Variants in CAMTA1 observed in about 807,000 individuals in gnomAD.
The protein encoded by CAMTA1 is calmodulin binding transcription activator 1, also known as calmodulin-binding transcription activator 1.
In CAMTA1, 27 loss-of-function variants were observed where a neutral mutation model predicts 170.9. The ratio of observed to expected loss-of-function variants is 0.16; its 90% CI spans 0.12 to 0.22. The LOEUF (loss-of-function observed/expected upper bound fraction) is 0.22, where lower values mean the gene tolerates loss of function less well. CAMTA1 is among the 10% of genes least tolerant of loss of function. CAMTA1 has a pLI of 1.00. For missense variants in CAMTA1, 1,619 were observed against 2,217.2 expected (o/e 0.73, Z 5.42); for synonymous variants, 833 against 891.5 (o/e 0.93, Z 1.17).
In CAMTA1 at chr1:7,573,966, GTTTCA is replaced by G. The variant is rs144906481; in HGVS notation, c.511-66433_511-66429del. Reference sequence around the variant, plus strand: ...TTTTTGTATTTTTAGTAGAGATGGGGTTTCACCCTGTTGGCCATGCTGTTCTCAAA... The same window carrying G: ...TTTTTGTATTTTTAGTAGAGATGGGGCCCTGTTGGCCATGCTGTTCTCAAA... On this transcript the variant is annotated intron_variant, in intron 6 of 22. Transcript: ENST00000303635. Among the ~76,000 whole-genome samples, 426 of 152,118 alleles carry G rather than the reference GTTTCA, an allele frequency of 2.8e-3. 2 individuals carry two copies. The highest frequency in any genetic ancestry group is 9.8e-3 in the African/African-American group (408 of 41,470).
chr1:7,556,369 C>T (rs770395587), intron 6 of CAMTA1, among the ~76,000 whole-genome samples: 1 of 152,136 alleles, frequency 6.6e-6, no homozygotes, highest in Non-Finnish European at 1.5e-5. Context: ...CCTCCAGGTT[C>T]AGCAAGGCCC....
chr1:7,625,596 G>A (rs1048474076), intron 6 of CAMTA1, among the ~76,000 whole-genome samples: 5 of 152,282 alleles, frequency 3.3e-5, no homozygotes, highest in Non-Finnish European at 5.9e-5. Flanking sequence ...CCAGGAGAGG[G>A]ACAGTTTGAG....
chr1:7,370,590 A>G (rs1042554981), intron 5 of CAMTA1, among the ~76,000 whole-genome samples: 1 of 152,182 alleles, frequency 6.6e-6, no homozygotes, highest in African/African-American at 2.4e-5. Flanking sequence ...ACTCTTATTT[A>G]TTGACACGTA....
intron 6 of CAMTA1, among the ~76,000 whole-genome samples, chr1:7,490,011 C>T (rs1301301560): frequency 3.9e-5 from 6 of 152,234 alleles, no homozygotes; most frequent in South Asian, 2.1e-4. Flanking sequence ...TTGGATCTCA[C>T]AGGCCTGCTC....
At chr1:6,994,920 G>T (rs573293640) in intron 3 of CAMTA1, among the ~76,000 whole-genome samples, 2 of 152,098 alleles carry the variant, frequency 1.3e-5, no homozygotes, top group East Asian at 1.9e-4. Context: ...CTCCCGCCTT[G>T]GCCTCTCAAA....
chr1:7,078,966 A>T (rs138453397), intron 3 of CAMTA1, among the ~76,000 whole-genome samples: 1 of 152,224 alleles, frequency 6.6e-6, no homozygotes, highest in Non-Finnish European at 1.5e-5. Flanking sequence ...AGAAACTTTT[A>T]TGGCTCTCCT....
chr1:7,640,019 G>A (rs777813564), intron 6 of CAMTA1, among the ~76,000 whole-genome samples: 47 of 152,262 alleles, frequency 3.1e-4, no homozygotes, highest in Non-Finnish European at 4.7e-4. Flanking sequence ...ATGTTGGGCT[G>A]GAGGGAATTT....
chr1:6,861,284 AT>A (rs1222319325), intron 3 of CAMTA1, among the ~76,000 whole-genome samples: 1 of 152,114 alleles, frequency 6.6e-6, no homozygotes, highest in East Asian at 1.9e-4. Flanking sequence ...GTAGAGATTC[AT>A]TTGTCTAACA....
At chr1:7,669,702 T>C (rs1045813629) in intron 9 of CAMTA1, among the ~76,000 whole-genome samples, 1 of 151,972 alleles carries the variant, frequency 6.6e-6, no homozygotes, top group Non-Finnish European at 1.5e-5. Context: ...CAGGGAAAGG[T>C]GTTTACTGGT....
rs1283635080 is a variant in CAMTA1 at position 6,971,697 on chromosome 1, C to T, written c.235-119607C>T. 1.3e-5 allele frequency among the ~76,000 whole-genome samples: 2 copies of T among 152,208 alleles called. No individual in the cohort carries two copies. The highest frequency in any genetic ancestry group is 2.9e-5 in the Non-Finnish European group (2 of 68,040). ...GTGGCTGGGATAAAAACCCCCATGACCATCCTCCATGCTTATTAGGTAAGT... is the reference window on the plus strand; with the variant it reads ...GTGGCTGGGATAAAAACCCCCATGATCATCCTCCATGCTTATTAGGTAAGT... On this transcript the variant is annotated intron_variant, in intron 3 of 22. Coordinates refer to ENST00000303635, the MANE Select transcript of CAMTA1 (RefSeq NM_015215.4). The surrounding 1 kb of genome is among the most constrained non-coding windows in gnomAD (Gnocchi z 4.6).
chr1:7,044,533 C>A lies in CAMTA1; in HGVS notation c.235-46771C>A, dbSNP rs1705037969. On this transcript the variant is annotated intron_variant, in intron 3 of 22. Coordinates refer to ENST00000303635, the MANE Select transcript of CAMTA1 (RefSeq NM_015215.4). This position sits in a 1 kb window ranked among gnomAD's most constrained non-coding sequence, Gnocchi z 5.0. Reference sequence around the variant, plus strand: ...TCAGCAGGGCCATAAGCATCTGAGGCTAGGAAGGCACATGCGTGATTAGCA... The same window carrying A: ...TCAGCAGGGCCATAAGCATCTGAGGATAGGAAGGCACATGCGTGATTAGCA... Among the ~76,000 whole-genome samples, 1 of 152,194 alleles carries A rather than the reference C, an allele frequency of 6.6e-6. No homozygotes were observed. Among genetic ancestry groups the A allele is most frequent in the African/African-American group, 2.4e-5 (1 of 41,458 alleles).
chr1:7,245,945 G>A (rs772925171), intron 4 of CAMTA1, among the ~76,000 whole-genome samples: 20 of 152,146 alleles, frequency 1.3e-4, no homozygotes, highest in Admixed American at 2.6e-4. Flanking sequence ...ACAAGCAGAG[G>A]GGAGTTTCAC....
At chr1:7,506,601 A>G (rs1327746724) in intron 6 of CAMTA1, among the ~76,000 whole-genome samples, 1 of 152,010 alleles carries the variant, frequency 6.6e-6, no homozygotes, top group African/African-American at 2.4e-5. Context: ...GCTCACACTC[A>G]AAAGTCACAC....
rs1244435248 is a variant in CAMTA1 at position 7,456,780 on chromosome 1, A to C, written c.439-11050A>C. On this transcript the variant is annotated intron_variant, in intron 5 of 22. Transcript: ENST00000303635. This position sits in a 1 kb window ranked among gnomAD's most constrained non-coding sequence, Gnocchi z 4.9. ...CCAAAGCGGTTTGGCAGGTGCTGGGACACAGCAGGGGCCCATGTGGGCCTG... is the reference window on the plus strand; with the variant it reads ...CCAAAGCGGTTTGGCAGGTGCTGGGCCACAGCAGGGGCCCATGTGGGCCTG... Among the ~76,000 whole-genome samples, 1 of 152,198 alleles carries C rather than the reference A, an allele frequency of 6.6e-6. No individual in the cohort carries two copies. Among genetic ancestry groups the C allele is most frequent in the Admixed American group, 6.5e-5 (1 of 15,284 alleles).
At chr1:7,614,546 T>C (rs1426922123) in intron 6 of CAMTA1, among the ~76,000 whole-genome samples, 1 of 152,148 alleles carries the variant, frequency 6.6e-6, no homozygotes, top group Non-Finnish European at 1.5e-5. Context: ...AACCGCCCCA[T>C]TGGCGCTGAC....
intron 10 of CAMTA1, 41 bp downstream of exon 10, chr1:7,671,078 G>A: frequency 6.2e-7 from 1 of 1,606,226 alleles, no homozygotes; most frequent in Non-Finnish European, 8.5e-7. Flanking sequence ...TGAGTGTGAT[G>A]GCCTGAGGAG....
chr1:7,549,351 G>T (rs917910724), intron 6 of CAMTA1, among the ~76,000 whole-genome samples: 1 of 151,998 alleles, frequency 6.6e-6, no homozygotes, highest in East Asian at 1.9e-4. Flanking sequence ...ATTTTCTTCC[G>T]GGTTGACCTT....
chr1:7,742,310 A>AT (rs1445820500), intron 16 of CAMTA1, among the ~76,000 whole-genome samples: 1 of 152,112 alleles, frequency 6.6e-6, no homozygotes, highest in African/African-American at 2.4e-5. Context: ...AGTAGATATG[A>AT]AAAGCATATG....
chr1:6,971,571 C>G lies in CAMTA1; in HGVS notation c.235-119733C>G, dbSNP rs1300558456. On this transcript the variant is annotated intron_variant, in intron 3 of 22. Coordinates refer to ENST00000303635, the MANE Select transcript of CAMTA1 (RefSeq NM_015215.4). The surrounding 1 kb of genome is among the most constrained non-coding windows in gnomAD (Gnocchi z 4.6). ...AAGTGCCTTCTGGGTAAGTCTCTAA[C>G]CGAAAACTAGATCCACAGGCAGGCC... Among the ~76,000 whole-genome samples the G allele has an allele frequency of 1.3e-5, 2 of 152,090 alleles. No homozygotes were observed. The highest frequency in any genetic ancestry group is 4.8e-5 in the African/African-American group (2 of 41,396).
Sources: allele counts gnomAD v4.1 joint callset (sites outside exome capture counted in the v4.1 genomes callset), GRCh38; gene constraint gnomAD v4.1.1; non-coding constraint Gnocchi (gnomAD v3.1); transcripts MANE v1.5; gene names NCBI Gene and HGNC (gene_info 2026-07-23, HGNC 2026-07-21).